The following TBC1D8B variants were observed in gnomAD, a reference collection of about 807,000 sequenced individuals.
TBC1D8B encodes RP11-321G1.1.
Under a neutral mutation model 82.9 loss-of-function variants are expected in TBC1D8B, and 75 were observed. The ratio of observed to expected loss-of-function variants is 0.90; its 90% CI spans 0.75 to 1.10. TBC1D8B has a LOEUF of 1.10. Ranked by LOEUF, TBC1D8B falls within the 50% of genes least tolerant of loss-of-function variation. The probability of loss-of-function intolerance (pLI) is 0.00; values close to 1 mark genes in which losing one functional copy is unlikely to be tolerated. For synonymous variants in TBC1D8B, 276 were observed against 276.8 expected, an observed-to-expected ratio of 1.00 and a Z score of 0.03; for missense variants, 794 against 796.9, an observed-to-expected ratio of 1.00 and a Z score of 0.04.
At chrX:106,821,915 T>C in intron 3 of TBC1D8B, 62 bp from the exon 4 acceptor site, 1 of 940,786 alleles carries the variant, frequency 1.1e-6, no homozygotes, top group Non-Finnish European at 1.5e-6. Flanking sequence ...ACTGTTTGAA[T>C]GTATGAAATA....
At chrX:106,806,964 T>G (rs1373658284) in intron 1 of TBC1D8B, among the ~76,000 whole-genome samples, 1 of 111,551 alleles carries the variant, frequency 9.0e-6, no homozygotes, top group Non-Finnish European at 1.9e-5. Context: ...TTTTAAAACC[T>G]CTTAGTGACC....
At chrX:106,826,353 T>A (rs1931844779) in intron 6 of TBC1D8B, 116 bp downstream of exon 6, 2 of 545,047 alleles carry the variant, frequency 3.7e-6, no homozygotes, top group Non-Finnish European at 5.8e-6. Flanking sequence ...ATCCTTTTAG[T>A]AATTTAAAAT....
chrX:106,873,793 A>T lies in TBC1D8B; in HGVS notation c.3191A>T (p.Lys1064Ile). The T allele has an allele frequency of 8.3e-7, 1 of 1,211,941 alleles. No homozygotes were observed. The highest frequency in any genetic ancestry group is 1.1e-6 in the Non-Finnish European group (1 of 895,536). The change falls in exon 21 of 21, where the codon AAA becomes ATA. Residue 1064 changes from lysine (K) to isoleucine (I), a missense_variant. By Grantham distance (102) the Lys-to-Ile change is moderately radical. Transcript: ENST00000357242. ...GAAAAAACAGGGAGCCACTTGGAGAAAGATCCTTGTTCCTTTAGGGAGGAA... is the reference window on the plus strand; with the variant it reads ...GAAAAAACAGGGAGCCACTTGGAGATAGATCCTTGTTCCTTTAGGGAGGAA... ...SEEKTGSHLEKDPCSFREEPQ... is the reference protein window; with the variant it reads ...SEEKTGSHLEIDPCSFREEPQ...
intron 1 of TBC1D8B, among the ~76,000 whole-genome samples, chrX:106,809,265 C>T (rs1414064433): frequency 9.0e-6 from 1 of 111,283 alleles, no homozygotes; most frequent in Non-Finnish European, 1.9e-5. Flanking sequence ...TCTCATGGGG[C>T]TAATACCGTA....
chrX:106,849,868 A>G, intron 11 of TBC1D8B, 157 bp from the exon 12 acceptor site: 2 of 1,054,225 alleles, frequency 1.9e-6, no homozygotes, highest in East Asian at 6.9e-5. Context: ...TGACACTACT[A>G]GCAGTTAGAT....
chrX:106,832,489 T>A (rs1932072304), intron 7 of TBC1D8B, among the ~76,000 whole-genome samples: 1 of 110,844 alleles, frequency 9.0e-6, no homozygotes, highest in South Asian at 3.8e-4. Context: ...AAATGGGCCC[T>A]CTTAGGTTAG....
intron 7 of TBC1D8B, among the ~76,000 whole-genome samples, chrX:106,836,456 G>T (rs1339749691): frequency 9.0e-6 from 1 of 111,664 alleles, no homozygotes; most frequent in Non-Finnish European, 1.9e-5. Flanking sequence ...TCAAACTAAA[G>T]TACCACTGGA....
In TBC1D8B at chrX:106,857,064, A is replaced by G. The variant is rs986761044; in HGVS notation, c.2352+2768A>G. On this transcript the variant is annotated intron_variant, in intron 14 of 20. Coordinates refer to ENST00000357242, the MANE Select transcript of TBC1D8B (RefSeq NM_017752.3). ...AGAATTTTGACCCTTCCTAACATTTATACCTCTTTTCTTTTTTCTGTGTTA... is the reference window on the plus strand; with the variant it reads ...AGAATTTTGACCCTTCCTAACATTTGTACCTCTTTTCTTTTTTCTGTGTTA... Among the ~76,000 whole-genome samples, 21 of 111,454 alleles carry G rather than the reference A, an allele frequency of 1.9e-4. No individual in the cohort carries two copies. The Admixed American group carries it at 2.0e-3, about 11-fold the overall frequency.
chrX:106,803,004 C>T, intron 1 of TBC1D8B, 21 bp downstream of exon 1: 1 of 1,190,099 alleles, frequency 8.4e-7, no homozygotes, highest in East Asian at 3.0e-5. Flanking sequence ...GCCACCCTAC[C>T]TGCCTCTGGG....
intron 12 of TBC1D8B, 123 bp from the exon 13 acceptor site, chrX:106,853,398 G>C: frequency 1.6e-6 from 1 of 631,843 alleles, no homozygotes; most frequent in Middle Eastern, 5.6e-4. Flanking sequence ...TTCTTCATAA[G>C]ACCTTCCCTT....
intron 11 of TBC1D8B, 173 bp from the exon 12 acceptor site, chrX:106,849,852 A>C: frequency 9.7e-7 from 1 of 1,034,648 alleles, no homozygotes; most frequent in Non-Finnish European, 1.2e-6. Context: ...GTGTTTCTGA[A>C]GTACATGACA....
In TBC1D8B at chrX:106,875,541, C is replaced by G. The variant is rs769963014; in HGVS notation, c.*1576C>G. 8.0e-5 allele frequency: 9 copies of G among 112,402 alleles called. No homozygotes were observed. Among genetic ancestry groups the G allele is most frequent in the African/African-American group, 2.6e-4 (8 of 31,068 alleles). The allele number at this position is 112,402 out of a possible 1,213,427, so 9.3% of individuals were successfully genotyped here. On this transcript the variant is annotated 3_prime_UTR_variant, in exon 21 of 21. Coordinates refer to ENST00000357242, the MANE Select transcript of TBC1D8B (RefSeq NM_017752.3). ...CCTTGTCTTTTCAAGGAAATTACCA[C>G]TTAAAGAGATAGTTGGTAAATAAAC...
chrX:106,805,072 C>CATT (rs767712221), intron 1 of TBC1D8B, among the ~76,000 whole-genome samples: 1 of 54,580 alleles, frequency 1.8e-5, no homozygotes, highest in Non-Finnish European at 3.0e-5. Context: ...TGCAAGTTTC[C>CATT]TTTTTTTTTT....
intron 14 of TBC1D8B, among the ~76,000 whole-genome samples, chrX:106,862,250 G>A (rs1932781116): frequency 9.0e-6 from 1 of 111,220 alleles, no homozygotes; most frequent in African/African-American, 3.3e-5. Flanking sequence ...TATCTTGCAG[G>A]GGTTCTCTGC....
chrX:106,842,956 C>A (rs1932351383), intron 10 of TBC1D8B, among the ~76,000 whole-genome samples: 1 of 111,554 alleles, frequency 9.0e-6, no homozygotes, highest in African/African-American at 3.2e-5. Flanking sequence ...AATATGTGAT[C>A]TTTTGTGCCT....
chrX:106,832,633 GT>G (rs1932074994), intron 7 of TBC1D8B, among the ~76,000 whole-genome samples: 1 of 111,199 alleles, frequency 9.0e-6, no homozygotes, highest in African/African-American at 3.3e-5. Flanking sequence ...ATGCCTTAAA[GT>G]TTTTAGATGG....
At chrX:106,830,353 T>TA (rs1474562724) in intron 7 of TBC1D8B, among the ~76,000 whole-genome samples, 1 of 111,601 alleles carries the variant, frequency 9.0e-6, no homozygotes, top group Non-Finnish European at 1.9e-5. Context: ...GGTGGGACTG[T>TA]AAACTAGTTC....
At position 106,815,011 on chromosome X, in the gene TBC1D8B, A is replaced by T. The variant is rs1381098716; in HGVS notation, c.131-3652A>T. 8 of 110,826 alleles carry T rather than the reference A, an allele frequency of 7.2e-5. 1 individual carries two copies. In the Admixed American group the frequency reaches 7.7e-4, roughly 11 times the overall value. The allele number at this position is 110,826 out of a possible 1,213,427, so 9.1% of individuals were successfully genotyped here. On this transcript the variant is annotated intron_variant, in intron 1 of 20. Coordinates refer to ENST00000357242, the MANE Select transcript of TBC1D8B (RefSeq NM_017752.3). ...TTCTGTAGGTTGCCTGTTCACTCTG[A>T]TGGTAGTTTCTTTTGCTGTGCAGAA...
chrX:106,847,840 G>A (rs181613782), intron 10 of TBC1D8B, among the ~76,000 whole-genome samples: 33 of 111,391 alleles, frequency 3.0e-4, no homozygotes, highest in African/African-American at 5.8e-4. Context: ...GTTTTCTTTC[G>A]TTTTAGTATG....
Sources: allele counts gnomAD v4.1 joint callset (sites outside exome capture counted in the v4.1 genomes callset), GRCh38; gene constraint gnomAD v4.1.1; transcripts MANE v1.5; gene names NCBI Gene and HGNC (gene_info 2026-07-23, HGNC 2026-07-21).